Variants in SLC1A2 observed in about 807,000 individuals in gnomAD.
SLC1A2 encodes the protein excitatory amino acid transporter 2.
In SLC1A2, 15 loss-of-function variants were observed where a neutral mutation model predicts 48.8. The observed-to-expected ratio is 0.31, with a 90% CI of 0.21 to 0.47. SLC1A2 has a LOEUF of 0.47. Ranked by LOEUF, SLC1A2 falls within the 20% of genes least tolerant of loss-of-function variation. The probability of loss-of-function intolerance (pLI) is 0.99; values close to 1 mark genes in which losing one functional copy is unlikely to be tolerated. For missense variants in SLC1A2, 502 were observed against 730.5 expected, an observed-to-expected ratio of 0.69 and a Z score of 3.61; for synonymous variants, 279 against 272.6, an observed-to-expected ratio of 1.02 and a Z score of -0.23.
chr11:35,324,480 C>A (rs954274179), intron 1 of SLC1A2, among the ~76,000 whole-genome samples: 1 of 152,184 alleles, frequency 6.6e-6, no homozygotes, highest in Non-Finnish European at 1.5e-5. Flanking sequence ...TCTATGAAAG[C>A]ACTGATATAG....
intron 1 of SLC1A2, chr11:35,370,875 G>T (rs1199572643): frequency 2.4e-6 from 2 of 818,636 alleles, no homozygotes; most frequent in Non-Finnish European, 1.5e-6. Flanking sequence ...CACATGCTGA[G>T]TGGCCCAGGA....
chr11:35,268,100 GT>G (rs1183208090), intron 9 of SLC1A2, among the ~76,000 whole-genome samples: 3 of 152,110 alleles, frequency 2.0e-5, no homozygotes, highest in East Asian at 1.9e-4. Flanking sequence ...GTGATTCCAT[GT>G]TTTTTTCTTC....
chr11:35,281,063 G>C, intron 8 of SLC1A2, 62 bp from the exon 9 acceptor site: 2 of 1,460,738 alleles, frequency 1.4e-6, no homozygotes, highest in Non-Finnish European at 1.8e-6. Flanking sequence ...ACCAACCCTG[G>C]CAATTTTAAG....
intron 4 of SLC1A2, among the ~76,000 whole-genome samples, chr11:35,310,878 G>A (rs1364763730): frequency 6.6e-6 from 1 of 152,118 alleles, no homozygotes; most frequent in South Asian, 2.1e-4. Context: ...TATGCAGCAA[G>A]CAAGAGTATA....
chr11:35,373,182 G>C (rs9704794), intron 1 of SLC1A2, among the ~76,000 whole-genome samples: 1 of 152,096 alleles, frequency 6.6e-6, no homozygotes, highest in South Asian at 2.1e-4. Context: ...TGGAGGAGCA[G>C]GGCCCAGTCA....
intron 1 of SLC1A2, among the ~76,000 whole-genome samples, chr11:35,389,538 G>A (rs755752468): frequency 6.6e-6 from 1 of 151,684 alleles, no homozygotes; most frequent in Non-Finnish European, 1.5e-5. Flanking sequence ...TGGCATGATC[G>A]TGGCTCACTG....
rs907898178 is a variant in SLC1A2 at position 35,257,389 on chromosome 11, C to A, written c.*3505G>T. 25 of 152,136 alleles carry A rather than the reference C, an allele frequency of 1.6e-4. No homozygotes were observed. The highest frequency in any genetic ancestry group is 5.9e-5 in the Non-Finnish European group (4 of 68,016). The allele number at this position is 152,136 out of a possible 1,614,324, so 9.4% of individuals were successfully genotyped here. ...TTCGAGAGGAGAAAGAAATATTTGT[C>A]TTTTACAGGGTATGGTAACTTCCGC... On this transcript the variant is annotated 3_prime_UTR_variant, in exon 11 of 11. Coordinates refer to ENST00000278379, the MANE Select transcript of SLC1A2 (RefSeq NM_004171.4).
chr11:35,409,773 G>A (rs533142942), intron 1 of SLC1A2, among the ~76,000 whole-genome samples: 17 of 152,240 alleles, frequency 1.1e-4, no homozygotes, highest in East Asian at 5.8e-4. Flanking sequence ...GCCAGGCATC[G>A]TGGTGCGTAC....
chr11:35,358,317 G>A (rs956332143), intron 1 of SLC1A2, among the ~76,000 whole-genome samples: 1 of 152,092 alleles, frequency 6.6e-6, no homozygotes, highest in Admixed American at 6.5e-5. Context: ...ACATTTATAT[G>A]TTTTAATACT....
chr11:35,409,067 A>T (rs1325186033), intron 1 of SLC1A2, among the ~76,000 whole-genome samples: 1 of 152,234 alleles, frequency 6.6e-6, no homozygotes, highest in African/African-American at 2.4e-5. Flanking sequence ...AGCAGAGTCA[A>T]CTGATGCAAG....
At chr11:35,306,312 C>A in intron 4 of SLC1A2, 70 bp from the exon 5 acceptor site, 1 of 1,239,702 alleles carries the variant, frequency 8.1e-7, no homozygotes, top group South Asian at 1.4e-5. Flanking sequence ...AAAAGATTGG[C>A]TACTCATATA....
chr11:35,274,767 G>A, intron 9 of SLC1A2, among the ~76,000 whole-genome samples: 1 of 152,176 alleles, frequency 6.6e-6, no homozygotes, highest in East Asian at 1.9e-4. Flanking sequence ...AATACTATTA[G>A]TTGCTTCATA....
chr11:35,338,379 T>C (rs1852711700), intron 1 of SLC1A2, among the ~76,000 whole-genome samples: 1 of 152,158 alleles, frequency 6.6e-6, no homozygotes, highest in Non-Finnish European at 1.5e-5. Flanking sequence ...CTCAGGGCAA[T>C]TCCCCTTCTA....
At chr11:35,352,968 A>C (rs1029755621) in intron 1 of SLC1A2, among the ~76,000 whole-genome samples, 1 of 152,232 alleles carries the variant, frequency 6.6e-6, no homozygotes, top group African/African-American at 2.4e-5. Flanking sequence ...TATAAAAGCA[A>C]TGACAATAAT....
Position 35,265,715 on chromosome 11 carries a change from C to A in SLC1A2, c.1465G>T (p.Gly489Trp). ...TSVNVVGDSF[G>W]AGIVYHLSKS... is the part of the protein sequence containing the mutation. ...GAGAGGTGATAGACTATCCCAGCCC[C>A]AAAAGAGTCACCCACAACATTGACT... Residue 489 changes from glycine to tryptophan, a missense_variant, in exon 10 of 11, where the codon GGG becomes TGG. This residue lies in a region of SLC1A2 where 102 missense variants were observed against 107.2 expected (regional missense o/e 0.95). Coordinates refer to ENST00000278379, the MANE Select transcript of SLC1A2 (RefSeq NM_004171.4). 6.2e-7 allele frequency: 1 copy of A among 1,613,954 alleles called. No homozygotes were observed. Among genetic ancestry groups the A allele is most frequent in the Non-Finnish European group, 8.5e-7 (1 of 1,179,860 alleles).
At chr11:35,394,182 AG>A (rs1418938176) in intron 1 of SLC1A2, among the ~76,000 whole-genome samples, 3 of 152,076 alleles carry the variant, frequency 2.0e-5, no homozygotes, top group African/African-American at 7.2e-5. Flanking sequence ...TACAGGCAGC[AG>A]GGGAGTCCTG....
intron 10 of SLC1A2, 70 bp downstream of exon 10, chr11:35,265,457 T>G: frequency 1.2e-6 from 1 of 830,618 alleles, no homozygotes; most frequent in Non-Finnish European, 2.0e-6. Context: ...TTTACGGTTT[T>G]TTTTTTTTTA....
At chr11:35,318,370 A>T (rs1851949852) in intron 1 of SLC1A2, among the ~76,000 whole-genome samples, 1 of 152,322 alleles carries the variant, frequency 6.6e-6, no homozygotes, top group African/African-American at 2.4e-5. Context: ...TGCCATAGGG[A>T]GGCCAATTTT....
intron 7 of SLC1A2, among the ~76,000 whole-genome samples, chr11:35,289,035 A>G (rs980403141): frequency 9.2e-5 from 14 of 152,230 alleles, no homozygotes; most frequent in African/African-American, 2.9e-4. Context: ...CTCAATGGCC[A>G]TATGACAGCC....
Sources: gnomAD v4.1 joint callset for allele counts (sites outside exome capture counted in the v4.1 genomes callset) on GRCh38, gnomAD v4.1.1 for gene constraint, gnomAD v4.1.1 regional missense constraint, MANE v1.5 for transcripts, NCBI Gene and HGNC (gene_info 2026-07-23, HGNC 2026-07-21) for gene names.